WNK1: variants seen among roughly 807,000 people sequenced by gnomAD.
WNK1 encodes the protein WNK lysine deficient protein kinase 1.
WNK1 carries 38 observed loss-of-function variants against 222.8 expected under a neutral mutation model. That is an observed-to-expected ratio of 0.17 (90% CI 0.13 to 0.22). WNK1 has a LOEUF of 0.22. Among genes scored for constraint, WNK1 ranks in the 10% least tolerant of loss-of-function variants. WNK1 has a pLI of 1.00. For missense variants in WNK1, 2,348 were observed against 2,918.4 expected (o/e 0.80, Z 4.50); for synonymous variants, 1,090 against 1,092.9 (o/e 1.00, Z 0.05).
At chr12:899,549 C>G (rs1238746560) in intron 25 of WNK1, among the ~76,000 whole-genome samples, 1 of 152,048 alleles carries the variant, frequency 6.6e-6, no homozygotes, top group Non-Finnish European at 1.5e-5. Flanking sequence ...TCCCAAAGTG[C>G]GGATTACAGG....
Position 884,291 on chromosome 12 carries a change from C to T in WNK1, c.3844+48C>T. The T allele has an allele frequency of 1.2e-6, 2 of 1,612,142 alleles. No homozygotes were observed. Among genetic ancestry groups the T allele is most frequent in the Non-Finnish European group, 1.7e-6 (2 of 1,178,752 alleles). On this transcript the variant is annotated intron_variant, in intron 18 of 27. Coordinates refer to ENST00000315939, the MANE Select transcript of WNK1 (RefSeq NM_018979.4). This position sits in a 1 kb window ranked among gnomAD's most constrained non-coding sequence, Gnocchi z 5.6. ...TTGTTATGTAAATTCTACAGTGCCT[C>T]TGCTATGTTGAAAGCTTAATCATAA...
At chr12:786,458 C>T (rs919530417) in intron 1 of WNK1, among the ~76,000 whole-genome samples, 2 of 147,226 alleles carry the variant, frequency 1.4e-5, no homozygotes, top group Admixed American at 7.1e-5. Context: ...TTATTTGTTC[C>T]TCTATCTTCC....
chr12:851,719 C>G, intron 4 of WNK1: 3 of 1,343,124 alleles, frequency 2.2e-6, no homozygotes, highest in Non-Finnish European at 2.0e-6. Context: ...AAGATTTTTG[C>G]TCAGTATTTG....
At chr12:843,539 T>C (rs1370131098) in intron 4 of WNK1, among the ~76,000 whole-genome samples, 1 of 152,238 alleles carries the variant, frequency 6.6e-6, no homozygotes, top group Non-Finnish European at 1.5e-5. Flanking sequence ...ATTGCTAAAT[T>C]CTCATATCTG....
Position 889,120 on chromosome 12 carries a change from C to G in WNK1, c.5365-20C>G, listed in dbSNP as rs371353275. On this transcript the variant is annotated intron_variant, in intron 20 of 27. Transcript: ENST00000315939. The stretch of plus-strand genomic sequence containing the variant: ...TGAAGGTGCCACGGAACTGTATTTA[C>G]TGTGATTGTTTTCATTCAGTCCCAG... 9 of 1,607,774 alleles carry G rather than the reference C, an allele frequency of 5.6e-6. No homozygotes were observed. In the African/African-American group the frequency reaches 1.2e-4, roughly 22 times the overall value.
At chr12:897,786 G>C in intron 25 of WNK1, 105 bp downstream of exon 25, 1 of 1,239,942 alleles carries the variant, frequency 8.1e-7, no homozygotes, top group Non-Finnish European at 1.1e-6. Flanking sequence ...AAATTTCAAA[G>C]GAATTTGGCT....
At chr12:786,575 C>T (rs1944328431) in intron 1 of WNK1, among the ~76,000 whole-genome samples, 1 of 149,416 alleles carries the variant, frequency 6.7e-6, no homozygotes, top group African/African-American at 2.5e-5. Context: ...TTAAGTGATT[C>T]TCCTGCCTCA....
intron 9 of WNK1, among the ~76,000 whole-genome samples, chr12:874,800 A>G (rs1952462491): frequency 6.6e-6 from 1 of 152,108 alleles, no homozygotes; most frequent in Middle Eastern, 3.2e-3. Flanking sequence ...AGTTTACCCA[A>G]ACTTACAGCT....
rs923708606 is a variant in WNK1, at chr12:878,214, G to T, written c.2226G>T (p.Gln742His). ...GAATCATTGTATTTTATTCTTAGCAGCAGGGAATACAGCAGACAGCCCCTC... is the reference window on the plus strand; with the variant it reads ...GAATCATTGTATTTTATTCTTAGCATCAGGGAATACAGCAGACAGCCCCTC... The part of the protein sequence containing the change: ...SSQPIQHPQQ[Q>H]QGIQQTAPPQ... The change falls in exon 10 of 28, where the codon CAG becomes CAT. Residue 742 changes from glutamine (Q) to histidine (H), a missense_variant and splice_region_variant. Gln to His is a conservative substitution (Grantham distance 24, BLOSUM62 0). Around this residue, in one of 13 missense-constraint regions of WNK1, gnomAD observed 547 missense variants for 558.3 expected, o/e 0.98. Coordinates refer to ENST00000315939, the MANE Select transcript of WNK1 (RefSeq NM_018979.4). 2 of 1,613,948 alleles carry T rather than the reference G, an allele frequency of 1.2e-6. No homozygotes were observed. Among genetic ancestry groups the T allele is most frequent in the African/African-American group, 2.7e-5 (2 of 74,880 alleles).
At chr12:875,489 A>T (rs1374214532) in intron 9 of WNK1, among the ~76,000 whole-genome samples, 3 of 152,248 alleles carry the variant, frequency 2.0e-5, no homozygotes, top group South Asian at 4.1e-4. Flanking sequence ...TTTTTAAGGA[A>T]TAAACATAAA....
rs182595247 is a variant in WNK1 at position 771,196 on chromosome 12, A to G, written c.759+16872A>G. On this transcript the variant is annotated intron_variant, in intron 1 of 27. Coordinates refer to ENST00000315939, the MANE Select transcript of WNK1 (RefSeq NM_018979.4). ...GTATTTTTAGTAGAGATGGGGTTTCACCGTGTTAGCCAGGATGGTCTCCAT... is the reference window on the plus strand; with the variant it reads ...GTATTTTTAGTAGAGATGGGGTTTCGCCGTGTTAGCCAGGATGGTCTCCAT... Among the ~76,000 whole-genome samples the G allele has an allele frequency of 4.2e-3, 642 of 151,616 alleles. 5 individuals carry two copies. Among genetic ancestry groups the G allele is most frequent in the African/African-American group, 0.015 (604 of 41,284 alleles).
Position 861,195 on chromosome 12 carries a change from A to G in WNK1, c.1803A>G (p.Thr601=), listed in dbSNP as rs1196713476. 2 of 1,614,072 alleles carry G rather than the reference A, an allele frequency of 1.2e-6. No homozygotes were observed. The highest frequency in any genetic ancestry group is 1.7e-6 in the Non-Finnish European group (2 of 1,179,980). ...QQVEQSSASQ[T]GIKQLPSAST... is the part of the protein sequence containing the mutation. ...TAGAACAATCCAGTGCTTCCCAGACAGGAATCAAGCAGCTCCCTTCTGCTA... is the reference window on the plus strand; with the variant it reads ...TAGAACAATCCAGTGCTTCCCAGACGGGAATCAAGCAGCTCCCTTCTGCTA... Residue 601 remains threonine (T), a synonymous_variant, in exon 7 of 28, where the codon ACA becomes ACG. Transcript: ENST00000315939.
intron 1 of WNK1, among the ~76,000 whole-genome samples, chr12:802,015 T>G (rs1945928712): frequency 1.3e-5 from 2 of 152,006 alleles, no homozygotes; most frequent in Admixed American, 1.3e-4. Context: ...CCCCTCACAG[T>G]TTTTCTGCAT....
At chr12:756,071 T>A (rs1203415231) in intron 1 of WNK1, among the ~76,000 whole-genome samples, 1 of 152,268 alleles carries the variant, frequency 6.6e-6, no homozygotes, top group Admixed American at 6.5e-5. Context: ...TTTCTTGTAC[T>A]ATCGATGCTT....
At chr12:795,316 G>C (rs1472532541) in intron 1 of WNK1, among the ~76,000 whole-genome samples, 1 of 117,836 alleles carries the variant, frequency 8.5e-6, no homozygotes, top group East Asian at 2.5e-4. Flanking sequence ...TTTTTTTCTT[G>C]AGTCAGTTTC....
Position 754,009 on chromosome 12 carries a change from C to T in WNK1, c.444C>T (p.Val148=). The T allele has an allele frequency of 1.9e-6, 3 of 1,586,974 alleles. No individual in the cohort carries two copies. Among genetic ancestry groups the T allele is most frequent in the Non-Finnish European group, 2.6e-6 (3 of 1,167,118 alleles). The part of the protein sequence containing the change: ...PAAAAPGEQA[V]AGPAPSTVPS... ...CTGCCGCCCCTGGGGAACAGGCCGT[C>T]GCGGGCCCTGCCCCCTCGACTGTCC... is the stretch of plus-strand genomic sequence containing the variant. Residue 148 remains valine (V), a synonymous_variant, in exon 1 of 28, where the codon GTC becomes GTT. Transcript: ENST00000315939.
At chr12:880,675 T>C (rs745339910) in intron 11 of WNK1, 46 bp from the exon 12 acceptor site, 1 of 1,609,106 alleles carries the variant, frequency 6.2e-7, no homozygotes, top group South Asian at 1.1e-5. Flanking sequence ...TGCTAATTTA[T>C]TGACCCCCAA....
chr12:886,155 C>T, intron 19 of WNK1, 71 bp downstream of exon 19: 3 of 1,318,040 alleles, frequency 2.3e-6, no homozygotes, highest in African/African-American at 1.5e-5. Context: ...GTACATTTTT[C>T]ACTTCAGCCT....
intron 8 of WNK1, chr12:868,298 C>T (rs1951852070): frequency 6.2e-7 from 1 of 1,608,478 alleles, no homozygotes; most frequent in African/African-American, 1.3e-5. Flanking sequence ...GGTACATTAC[C>T]AGGCCCGGGT....
Sources: gnomAD v4.1 joint callset for allele counts (sites outside exome capture counted in the v4.1 genomes callset) on GRCh38, gnomAD v4.1.1 for gene constraint, gnomAD v4.1.1 regional missense constraint, Gnocchi (gnomAD v3.1) non-coding constraint, MANE v1.5 for transcripts, NCBI Gene and HGNC (gene_info 2026-07-23, HGNC 2026-07-21) for gene names.